Variants in RPSA2 observed in about 807,000 individuals in gnomAD.
RPSA2 encodes the protein ribosomal protein SA 2.
the RPSA2 span, among the ~76,000 whole-genome samples, chr19:23,856,216 A>C: frequency 6.6e-6 from 1 of 152,040 alleles, no homozygotes; most frequent in Non-Finnish European, 1.5e-5. Context: ...TTAGGATGGC[A>C]CTTACAAGGC....
the RPSA2 span, among the ~76,000 whole-genome samples, chr19:23,775,675 C>T: frequency 1.3e-5 from 2 of 152,198 alleles, no homozygotes; most frequent in African/African-American, 4.8e-5. Flanking sequence ...AATTTACTCT[C>T]ATAAGTGAAT....
the RPSA2 span, among the ~76,000 whole-genome samples, chr19:23,858,363 G>T: frequency 6.6e-6 from 1 of 152,056 alleles, no homozygotes; most frequent in Non-Finnish European, 1.5e-5. Flanking sequence ...TGCAATCTAT[G>T]CATGTAACTA....
chr19:23,868,856 A>T, the RPSA2 span, among the ~76,000 whole-genome samples: 570 of 152,258 alleles, frequency 3.7e-3, 4 homozygotes, highest in African/African-American at 0.013. Flanking sequence ...TCCCTCTGGT[A>T]TGGGCCATGA....
chr19:23,857,658 T>TTC, the RPSA2 span, among the ~76,000 whole-genome samples: 1 of 328 alleles, frequency 3.0e-3, no homozygotes, highest in Admixed American at 0.071. Context: ...ACCTAGCTAA[T>TTC]TTTTTTTTTG....
the RPSA2 span, among the ~76,000 whole-genome samples, chr19:23,812,990 A>T: frequency 6.6e-6 from 1 of 152,174 alleles, no homozygotes; most frequent in Non-Finnish European, 1.5e-5. Flanking sequence ...GGATTTTGAG[A>T]GGCCAGGACA....
At chr19:23,817,185 C>T in the RPSA2 span, among the ~76,000 whole-genome samples, 4 of 152,110 alleles carry the variant, frequency 2.6e-5, no homozygotes, top group Non-Finnish European at 4.4e-5. Flanking sequence ...AGTTTGAAAC[C>T]AGCCTGACCA....
chr19:23,789,064 G>T, the RPSA2 span, among the ~76,000 whole-genome samples: 1 of 132,438 alleles, frequency 7.6e-6, no homozygotes, highest in Non-Finnish European at 1.6e-5. Context: ...GCAGTGATGT[G>T]ATCTTGGCTT....
chr19:23,851,562 AT>A, the RPSA2 span, among the ~76,000 whole-genome samples: 1 of 152,190 alleles, frequency 6.6e-6, no homozygotes, highest in African/African-American at 2.4e-5. Flanking sequence ...CAGTTTCTAT[AT>A]TTTTAGTGGC....
chr19:23,790,813 G>A, the RPSA2 span: 1 of 542,494 alleles, frequency 1.8e-6, no homozygotes, highest in Non-Finnish European at 3.4e-6. Flanking sequence ...AGGGGCAAGG[G>A]CTGGTTGGAA....
At chr19:23,832,554 A>G in the RPSA2 span, 2 of 869,816 alleles carry the variant, frequency 2.3e-6, no homozygotes, top group South Asian at 1.6e-5. Context: ...AAACCCTACA[A>G]ATGTCAAGAA....
the RPSA2 span, among the ~76,000 whole-genome samples, chr19:23,860,990 C>T: frequency 7.0e-6 from 1 of 143,456 alleles, no homozygotes; most frequent in Non-Finnish European, 1.5e-5. Flanking sequence ...TCTCACTGTC[C>T]TCCAGTACAT....
chr19:23,761,901 A>ATCCCTTCC, the RPSA2 span, among the ~76,000 whole-genome samples: 6 of 34,028 alleles, frequency 1.8e-4, no homozygotes, highest in African/African-American at 2.9e-4. Flanking sequence ...GGGTAACGTA[A>ATCCCTTCC]TTCTTTCTTT....
At chr19:23,835,127 A>G in the RPSA2 span, among the ~76,000 whole-genome samples, 1 of 152,078 alleles carries the variant, frequency 6.6e-6, no homozygotes, top group African/African-American at 2.4e-5. Context: ...CTACAGGGTC[A>G]TTTTTATCAT....
At chr19:23,817,274 C>T in the RPSA2 span, among the ~76,000 whole-genome samples, 5 of 152,120 alleles carry the variant, frequency 3.3e-5, no homozygotes, top group African/African-American at 4.8e-5. Context: ...CCCAGCTACT[C>T]GGGAGGCTGA....
chr19:23,771,643 C>CTT, the RPSA2 span, among the ~76,000 whole-genome samples: 1 of 152,024 alleles, frequency 6.6e-6, no homozygotes, highest in Non-Finnish European at 1.5e-5. Flanking sequence ...TTCTTTTGTC[C>CTT]TAGTGCTTTT....
chr19:23,768,528 G>A, the RPSA2 span, among the ~76,000 whole-genome samples: 1 of 143,798 alleles, frequency 7.0e-6, no homozygotes, highest in Non-Finnish European at 1.5e-5. Flanking sequence ...TATCTCTCAT[G>A]GAAATATTTA....
chr19:23,859,860 A>T, the RPSA2 span, among the ~76,000 whole-genome samples: 1 of 152,204 alleles, frequency 6.6e-6, no homozygotes, highest in African/African-American at 2.4e-5. Context: ...TTAAATACTA[A>T]TTAGTAAAAC....
At chr19:23,815,842 C>CA in the RPSA2 span, among the ~76,000 whole-genome samples, 1 of 152,000 alleles carries the variant, frequency 6.6e-6, no homozygotes, top group South Asian at 2.1e-4. Flanking sequence ...TATACATATA[C>CA]ATACAGATAG....
chr19:23,862,078 G>C, the RPSA2 span, among the ~76,000 whole-genome samples: 1 of 152,018 alleles, frequency 6.6e-6, no homozygotes, highest in East Asian at 1.9e-4. Flanking sequence ...AGTTCTCCTT[G>C]AAGAGGTCCT....
Sources: allele counts gnomAD v4.1 joint callset (sites outside exome capture counted in the v4.1 genomes callset), GRCh38; gene constraint gnomAD v4.1.1; transcripts MANE v1.5; gene names NCBI Gene and HGNC (gene_info 2026-07-23, HGNC 2026-07-21).